CELF2: variants seen among roughly 807,000 people sequenced by gnomAD.
CELF2 encodes the protein CUGBP Elav-like family member 2, also known as CUG triplet repeat RNA-binding protein 2.
CELF2 carries 8 observed loss-of-function variants against 62.6 expected under a neutral mutation model. That is an observed-to-expected ratio of 0.13 (90% CI 0.07 to 0.23). CELF2 has a LOEUF of 0.23. Ranked by LOEUF, CELF2 falls within the 10% of genes least tolerant of loss-of-function variation. CELF2 has a pLI of 1.00. For synonymous variants in CELF2, 258 were observed against 250.0 expected (o/e 1.03, Z -0.30); for missense variants, 333 against 671.0 (o/e 0.50, Z 5.56).
chr10:11,068,061 A>G (rs367880900), intron 1 of CELF2, among the ~76,000 whole-genome samples: 1 of 152,208 alleles, frequency 6.6e-6, no homozygotes, highest in East Asian at 1.9e-4. Context: ...CTTCTCACCC[A>G]TTATGACAGT....
At chr10:10,796,424 A>T (rs1446054215), upstream of CELF2, among the ~76,000 whole-genome samples, 1 of 152,254 alleles carries the variant, frequency 6.6e-6, no homozygotes, top group Non-Finnish European at 1.5e-5. Flanking sequence ...ACCTTTAAAA[A>T]GTTTTTGAAA....
intron 1 of CELF2, among the ~76,000 whole-genome samples, chr10:10,876,737 T>C (rs2061122023): frequency 1.3e-5 from 2 of 152,346 alleles, no homozygotes; most frequent in South Asian, 4.1e-4. Context: ...TCTTATGTTC[T>C]CCTCTTCTTT....
Position 11,285,829 on chromosome 10 carries a change from GTGTGTGTGTGT to G in CELF2, c.842-2588_842-2578del, listed in dbSNP as rs2091068292. Among the ~76,000 whole-genome samples, 1 of 13,466 alleles carries G rather than the reference GTGTGTGTGTGT, an allele frequency of 7.4e-5. No homozygotes were observed. Among genetic ancestry groups the G allele is most frequent in the African/African-American group, 2.3e-4 (1 of 4,296 alleles). The allele number at this position is 13,466 out of a possible 152,430, so 8.8% of individuals were successfully genotyped here. A position where few individuals can be genotyped will look rare whatever the true frequency, so the allele number is the denominator to read the frequency against. ...CTCATCACCTACTATATATATTGGTGTGTGTGTGTGTGTGTGTGTGTGTGTGTGTGTGTGTG... is the reference window on the plus strand; with the variant it reads ...CTCATCACCTACTATATATATTGGTGGTGTGTGTGTGTGTGTGTGTGTGTG... On this transcript the variant is annotated intron_variant, in intron 8 of 12. Transcript: ENST00000633077. The surrounding 1 kb of genome is among the most constrained non-coding windows in gnomAD (Gnocchi z 4.3).
chr10:10,591,350 A>G, the CELF2 span, among the ~76,000 whole-genome samples: 3 of 152,202 alleles, frequency 2.0e-5, no homozygotes, highest in East Asian at 5.8e-4. Flanking sequence ...TACATTTACA[A>G]ATGTAGATAA....
At chr10:11,173,053 G>A (rs1448604965) in intron 2 of CELF2, among the ~76,000 whole-genome samples, 2 of 150,698 alleles carry the variant, frequency 1.3e-5, no homozygotes, top group Admixed American at 1.3e-4. Context: ...GCCACTGAGT[G>A]CATGTCTAGG....
At chr10:11,323,720 G>T (rs2095576055) in intron 11 of CELF2, among the ~76,000 whole-genome samples, 1 of 152,146 alleles carries the variant, frequency 6.6e-6, no homozygotes. Context: ...AGTAGTGAGT[G>T]TAACAGAGAA....
upstream of CELF2, among the ~76,000 whole-genome samples, chr10:11,000,523 G>A (rs2054413270): frequency 6.6e-6 from 1 of 152,136 alleles, no homozygotes. Context: ...CTGGTAAACA[G>A]CTCCAATTTG....
chr10:11,009,269 T>G (rs928868418), intron 1 of CELF2, among the ~76,000 whole-genome samples: 1 of 152,108 alleles, frequency 6.6e-6, no homozygotes, highest in African/African-American at 2.4e-5. Context: ...CCGAAGCACC[T>G]TTCTGATTAA....
chr10:10,464,409 A>G, the CELF2 span, among the ~76,000 whole-genome samples: 5 of 130,252 alleles, frequency 3.8e-5, no homozygotes, highest in Non-Finnish European at 8.9e-5. Context: ...ACGCAAGTCA[A>G]ACCACAGTAC....
At chr10:10,922,118 C>A (rs1419232024) in intron 2 of CELF2, among the ~76,000 whole-genome samples, 5 of 150,190 alleles carry the variant, frequency 3.3e-5, no homozygotes, top group African/African-American at 7.3e-5. Context: ...TTAATATTGC[C>A]AAAAAAAAAC....
At chr10:11,169,125 A>G (rs893030636) in intron 2 of CELF2, 2 of 152,170 alleles carry the variant, frequency 1.3e-5, no homozygotes, top group African/African-American at 4.8e-5. Flanking sequence ...TTGCTGTGTG[A>G]TGAGGTGATG....
At chr10:10,932,994 T>G (rs979722185) in intron 2 of CELF2, among the ~76,000 whole-genome samples, 1 of 152,120 alleles carries the variant, frequency 6.6e-6, no homozygotes, top group Non-Finnish European at 1.5e-5. Context: ...GTGGTTTACT[T>G]TTTAAAAAAT....
At chr10:11,183,650 G>A (rs894389165) in intron 2 of CELF2, among the ~76,000 whole-genome samples, 1 of 152,158 alleles carries the variant, frequency 6.6e-6, no homozygotes, top group African/African-American at 2.4e-5. Flanking sequence ...TCTGTGTGTA[G>A]TGGTATGTCA....
chr10:10,576,888 C>A, the CELF2 span, among the ~76,000 whole-genome samples: 1 of 152,138 alleles, frequency 6.6e-6, no homozygotes, highest in Non-Finnish European at 1.5e-5. Context: ...GCTCCTGAGG[C>A]CTATGTGAGT....
At chr10:10,905,272 T>C (rs1462755581) in intron 1 of CELF2, among the ~76,000 whole-genome samples, 1 of 152,248 alleles carries the variant, frequency 6.6e-6, no homozygotes, top group Non-Finnish European at 1.5e-5. Flanking sequence ...GTATTTTGAA[T>C]ATTGAGAGTA....
rs1257357458 is a variant in CELF2 at position 10,936,469 on chromosome 10, G to C, written c.89+16470G>C. ...TCACAGATGAATAGGCTGAAGATCAGACAGTGGAAACTAAGTCCTCATGAC... is the reference window on the plus strand; with the variant it reads ...TCACAGATGAATAGGCTGAAGATCACACAGTGGAAACTAAGTCCTCATGAC... On this transcript the variant is annotated intron_variant, in intron 2 of 13. Coordinates refer to the CELF2 transcript ENST00000636488. This position sits in a 1 kb window ranked among gnomAD's most constrained non-coding sequence, Gnocchi z 4.0. Among the ~76,000 whole-genome samples the C allele has an allele frequency of 6.6e-6, 1 of 152,172 alleles. No individual in the cohort carries two copies. Among genetic ancestry groups the C allele is most frequent in the Admixed American group, 6.5e-5 (1 of 15,286 alleles).
intron 1 of CELF2, among the ~76,000 whole-genome samples, chr10:11,093,740 C>T (rs1412125945): frequency 1.9e-4 from 29 of 152,140 alleles, no homozygotes; most frequent in Admixed American, 1.8e-3. Flanking sequence ...CCAGTCAATT[C>T]CGTTAACATG....
chr10:10,945,009 C>T (rs1413999106), intron 2 of CELF2, among the ~76,000 whole-genome samples: 1 of 152,114 alleles, frequency 6.6e-6, no homozygotes, highest in Admixed American at 6.5e-5. Context: ...GGCATGGGAT[C>T]CAGGGCACAG....
chr10:10,680,323 G>A, the CELF2 span, among the ~76,000 whole-genome samples: 4 of 152,080 alleles, frequency 2.6e-5, no homozygotes, highest in Non-Finnish European at 4.4e-5. Flanking sequence ...GAAAGATCAC[G>A]AAACTCACTA....
Sources: allele counts gnomAD v4.1 joint callset (sites outside exome capture counted in the v4.1 genomes callset), GRCh38; gene constraint gnomAD v4.1.1; non-coding constraint Gnocchi (gnomAD v3.1); transcripts MANE v1.5; gene names NCBI Gene and HGNC (gene_info 2026-07-23, HGNC 2026-07-21).